The following FAR1 variants were observed in gnomAD, a reference collection of about 807,000 sequenced individuals.
FAR1 encodes the protein male sterility domain-containing protein 2.
FAR1 carries 22 observed loss-of-function variants against 61.1 expected under a neutral mutation model. The ratio of observed to expected loss-of-function variants is 0.36; its 90% CI spans 0.26 to 0.51. The LOEUF is 0.51. FAR1 is among the 20% of genes least tolerant of loss of function. The probability of loss-of-function intolerance (pLI) is 0.95; values close to 1 mark genes in which losing one functional copy is unlikely to be tolerated. For synonymous variants in FAR1, 206 were observed against 209.7 expected (o/e 0.98, Z 0.15); for missense variants, 359 against 626.9 (o/e 0.57, Z 4.56).
In FAR1 at chr11:13,700,306, C is replaced by A. The variant is rs1342199374; in HGVS notation, c.190-11C>A. On this transcript the variant is annotated splice_polypyrimidine_tract_variant and intron_variant, in intron 2 of 11. Coordinates refer to ENST00000354817, the MANE Select transcript of FAR1 (RefSeq NM_032228.6). ...TACTGCTGTAAAATAAATATTTTTC[C>A]CTCTTGATAGCTTTTTGACAGATTG... 1.3e-6 allele frequency: 2 copies of A among 1,540,016 alleles called. No homozygotes were observed. The highest frequency in any genetic ancestry group is 2.4e-5 in the East Asian group (1 of 41,130).
At chr11:13,716,229 C>T (rs1420954823) in intron 9 of FAR1, among the ~76,000 whole-genome samples, 2 of 151,636 alleles carry the variant, frequency 1.3e-5, no homozygotes, top group Non-Finnish European at 2.9e-5. Context: ...AGGTTAAATA[C>T]ATCACATTGC....
Position 13,708,447 on chromosome 11 carries a change from G to GCACACACACA in FAR1, c.545+389_545+398dup, listed in dbSNP as rs61253307. On this transcript the variant is annotated intron_variant, in intron 4 of 11. Coordinates refer to ENST00000354817, the MANE Select transcript of FAR1 (RefSeq NM_032228.6). ...CCCATATACATGTGCGCGCGCGCGC[G>GCACACACACA]CACACACACACACACACACACACAC... 1.5e-3 allele frequency among the ~76,000 whole-genome samples: 209 copies of GCACACACACA among 136,694 alleles called. 1 individual carries two copies. Among genetic ancestry groups the GCACACACACA allele is most frequent in the South Asian group, 3.4e-3 (14 of 4,098 alleles). The allele number at this position is 136,694 out of a possible 152,430, so 89.7% of individuals were successfully genotyped here. A position where few individuals can be genotyped will look rare whatever the true frequency, so the allele number is the denominator to read the frequency against.
intron 2 of FAR1, among the ~76,000 whole-genome samples, chr11:13,695,296 A>G (rs1247361431): frequency 6.6e-6 from 1 of 152,178 alleles, no homozygotes; most frequent in African/African-American, 2.4e-5. Flanking sequence ...AGGTAGTGAG[A>G]CTACCTACTA....
intron 9 of FAR1, among the ~76,000 whole-genome samples, chr11:13,715,602 A>G (rs1277340588): frequency 1.3e-5 from 2 of 152,168 alleles, no homozygotes; most frequent in African/African-American, 4.8e-5. Context: ...CTAATTATCC[A>G]GGTTGGGAAT....
chr11:13,687,095 C>T (rs1398339277), intron 1 of FAR1, among the ~76,000 whole-genome samples: 1 of 152,158 alleles, frequency 6.6e-6, no homozygotes, highest in African/African-American at 2.4e-5. Flanking sequence ...TCTCTTAGTG[C>T]ATTTATAAAT....
intron 10 of FAR1, chr11:13,723,383 ACCCC>A: frequency 2.6e-6 from 1 of 388,610 alleles, no homozygotes; most frequent in Non-Finnish European, 4.9e-6. Context: ...AAAAAAAAAA[ACCCC>A]AAAAAAAAAC....
chr11:13,680,837 G>C (rs10766104), intron 1 of FAR1, among the ~76,000 whole-genome samples: 52,512 of 151,916 alleles, frequency 0.35, 9,393 homozygotes, highest in South Asian at 0.4. Context: ...CAAACCATAT[G>C]TAAACCATAG....
chr11:13,719,474 CT>C (rs1848587375), intron 9 of FAR1, among the ~76,000 whole-genome samples: 1 of 152,154 alleles, frequency 6.6e-6, no homozygotes, highest in South Asian at 2.1e-4. Flanking sequence ...CTACATTAAA[CT>C]GATGTCAGTC....
intron 1 of FAR1, among the ~76,000 whole-genome samples, chr11:13,675,359 G>A (rs754990337): frequency 2.7e-4 from 41 of 152,176 alleles, no homozygotes; most frequent in Non-Finnish European, 4.7e-4. Context: ...AACAAGTGGC[G>A]ATAGAGAGAA....
At position 13,731,520 on chromosome 11, in the gene FAR1, G is replaced by A. The variant is rs1158590401; in HGVS notation, c.*2746G>A. ...ATTATAGTATTTATTGTATTTTTAT[G>A]TTCTGAAAATTACCCATGGAACAAT... On this transcript the variant is annotated 3_prime_UTR_variant, in exon 12 of 12. Transcript: ENST00000354817. The A allele has an allele frequency of 6.6e-6, 1 of 152,456 alleles. No individual in the cohort carries two copies. Among genetic ancestry groups the A allele is most frequent in the Non-Finnish European group, 1.5e-5 (1 of 67,986 alleles). 9.4% of individuals were successfully genotyped at this position (152,456 alleles called of 1,614,324 possible).
At chr11:13,677,292 C>T (rs1848077884) in intron 1 of FAR1, among the ~76,000 whole-genome samples, 1 of 152,174 alleles carries the variant, frequency 6.6e-6, no homozygotes. Flanking sequence ...TTCCATTCCA[C>T]AGTTGGAAAC....
intron 1 of FAR1, chr11:13,685,418 G>A (rs951505080): frequency 1.5e-5 from 3 of 201,340 alleles, no homozygotes; most frequent in Non-Finnish European, 3.2e-5. Context: ...CCAGATAGTG[G>A]TGACATTTTC....
At chr11:13,699,188 G>A (rs1403423071) in intron 2 of FAR1, among the ~76,000 whole-genome samples, 1 of 152,074 alleles carries the variant, frequency 6.6e-6, no homozygotes, top group South Asian at 2.1e-4. Flanking sequence ...TTAAAGCTGG[G>A]TTAGTTGTTT....
intron 3 of FAR1, among the ~76,000 whole-genome samples, chr11:13,704,342 C>T (rs1848411304): frequency 6.6e-6 from 1 of 151,768 alleles, no homozygotes; most frequent in Non-Finnish European, 1.5e-5. Context: ...GTGATAAAAC[C>T]CAAGGTATGA....
chr11:13,697,953 GT>G (rs1331506152), intron 2 of FAR1, among the ~76,000 whole-genome samples: 1 of 152,068 alleles, frequency 6.6e-6, no homozygotes, highest in African/African-American at 2.4e-5. Flanking sequence ...TTTGGATTTA[GT>G]TTCATATAGT....
chr11:13,669,960 G>A (rs1397330046), intron 1 of FAR1, among the ~76,000 whole-genome samples: 1 of 152,098 alleles, frequency 6.6e-6, no homozygotes, highest in Non-Finnish European at 1.5e-5. Context: ...GAGTTTCTCA[G>A]CTGTCATGTT....
intron 2 of FAR1, 77 bp downstream of exon 2, chr11:13,695,031 G>T (rs1848293644): frequency 1.7e-6 from 2 of 1,185,086 alleles, no homozygotes; most frequent in Non-Finnish European, 2.3e-6. Flanking sequence ...GTCGTCAATA[G>T]CTTGGTATAT....
intron 4 of FAR1, 90 bp from the exon 5 acceptor site, chr11:13,710,603 A>G (rs903261711): frequency 1.8e-6 from 2 of 1,085,656 alleles, no homozygotes; most frequent in Non-Finnish European, 2.6e-6. Context: ...AGAACAGCAG[A>G]TATGTTTGAA....
intron 1 of FAR1, among the ~76,000 whole-genome samples, chr11:13,677,099 G>A (rs1848076011): frequency 6.6e-6 from 1 of 152,168 alleles, no homozygotes; most frequent in Admixed American, 6.5e-5. Flanking sequence ...CTGGATCTCA[G>A]TATTTGGAGA....
Sources: allele counts gnomAD v4.1 joint callset (sites outside exome capture counted in the v4.1 genomes callset), GRCh38; gene constraint gnomAD v4.1.1; transcripts MANE v1.5; gene names NCBI Gene and HGNC (gene_info 2026-07-23, HGNC 2026-07-21).